Variants in SHTN1 observed in about 807,000 individuals in gnomAD.
SHTN1 encodes shootin 1.
In SHTN1, 42 loss-of-function variants were observed where a neutral mutation model predicts 83.1. The ratio of observed to expected loss-of-function variants is 0.51; its 90% CI spans 0.39 to 0.65. SHTN1 has a LOEUF of 0.65. SHTN1 is among the 30% of genes least tolerant of loss of function. The pLI is 0.00. For synonymous variants in SHTN1, 224 were observed against 247.7 expected, an observed-to-expected ratio of 0.90 and a Z score of 0.90; for missense variants, 622 against 737.8, an observed-to-expected ratio of 0.84 and a Z score of 1.82.
chr10:116,972,453 C>A (rs1850650281), intron 2 of SHTN1, among the ~76,000 whole-genome samples: 1 of 152,184 alleles, frequency 6.6e-6, no homozygotes, highest in African/African-American at 2.4e-5. Context: ...TTACTAAAAG[C>A]AGAAATCCAA....
intron 9 of SHTN1, among the ~76,000 whole-genome samples, chr10:116,933,578 T>C (rs988060474): frequency 6.6e-6 from 1 of 152,154 alleles, no homozygotes; most frequent in Admixed American, 6.5e-5. Context: ...TGATGGGCAT[T>C]TGGGTTGGTT....
chr10:116,952,319 A>T (rs1002461881), intron 5 of SHTN1, among the ~76,000 whole-genome samples: 3 of 152,190 alleles, frequency 2.0e-5, no homozygotes, highest in African/African-American at 7.2e-5. Context: ...AAATTTTTTA[A>T]GTTTTCAGCA....
At chr10:117,120,300 T>G (rs1430398470) in intron 1 of SHTN1, among the ~76,000 whole-genome samples, 2 of 149,188 alleles carry the variant, frequency 1.3e-5, no homozygotes, top group South Asian at 2.1e-4. Flanking sequence ...CAGGCTGGAG[T>G]GCAGGGGCGT....
intron 1 of SHTN1, among the ~76,000 whole-genome samples, chr10:117,119,843 T>A (rs1361191332): frequency 6.8e-6 from 1 of 148,076 alleles, no homozygotes; most frequent in East Asian, 2.0e-4. Flanking sequence ...TAATCAGTTG[T>A]AAAAAAAAAA....
intron 1 of SHTN1, among the ~76,000 whole-genome samples, chr10:117,053,923 A>G (rs1208274139): frequency 1.3e-5 from 2 of 152,262 alleles, no homozygotes; most frequent in African/African-American, 4.8e-5. Context: ...TAAAAGAAAC[A>G]TAGTATGATA....
chr10:117,065,713 GA>G, intron 1 of SHTN1, among the ~76,000 whole-genome samples: 1 of 67,346 alleles, frequency 1.5e-5, no homozygotes, highest in Non-Finnish European at 3.6e-5. Context: ...GCGAGAGAGA[GA>G]GAGAGAGAGA....
chr10:117,091,535 G>A (rs1046332470), intron 1 of SHTN1, among the ~76,000 whole-genome samples: 2 of 152,058 alleles, frequency 1.3e-5, no homozygotes, highest in Non-Finnish European at 2.9e-5. Context: ...AAGGGGAGGT[G>A]GAACCTACTA....
intron 12 of SHTN1, among the ~76,000 whole-genome samples, chr10:116,917,494 G>A (rs1848419966): frequency 6.6e-6 from 1 of 152,058 alleles, no homozygotes; most frequent in Non-Finnish European, 1.5e-5. Flanking sequence ...AGTAGAGACG[G>A]GGTTTCACCA....
intron 1 of SHTN1, among the ~76,000 whole-genome samples, chr10:117,097,013 GCA>G (rs1158397927): frequency 2.6e-4 from 37 of 141,742 alleles, no homozygotes; most frequent in African/African-American, 4.7e-4. Context: ...GCACGCGCGC[GCA>G]CACACACACA....
At chr10:116,974,891 C>T (rs1379050916) in intron 2 of SHTN1, among the ~76,000 whole-genome samples, 1 of 151,584 alleles carries the variant, frequency 6.6e-6, no homozygotes, top group East Asian at 1.9e-4. Flanking sequence ...TAAGAGAATG[C>T]CCTTCAATTG....
chr10:116,892,682 T>C (rs1281053955), intron 16 of SHTN1, among the ~76,000 whole-genome samples: 1 of 152,204 alleles, frequency 6.6e-6, no homozygotes, highest in African/African-American at 2.4e-5. Flanking sequence ...AGATCGAAAG[T>C]CACAAATTAC....
At chr10:117,117,059 C>A (rs898846378) in intron 1 of SHTN1, among the ~76,000 whole-genome samples, 2 of 151,736 alleles carry the variant, frequency 1.3e-5, no homozygotes, top group Non-Finnish European at 2.9e-5. Flanking sequence ...CTGGCTAGAG[C>A]AAATAGGAAA....
At chr10:117,111,972 G>T (rs530063804) in intron 1 of SHTN1, among the ~76,000 whole-genome samples, 4 of 151,996 alleles carry the variant, frequency 2.6e-5, no homozygotes, top group Admixed American at 1.3e-4. Flanking sequence ...TTTTGTTTTT[G>T]TTTTTTCTTT....
chr10:117,043,592 G>A (rs1852618057), intron 2 of SHTN1, among the ~76,000 whole-genome samples: 1 of 152,178 alleles, frequency 6.6e-6, no homozygotes, highest in Admixed American at 6.5e-5. Context: ...TGTAATCCCA[G>A]CACATTGGTA....
intron 2 of SHTN1, among the ~76,000 whole-genome samples, chr10:117,015,903 C>T (rs1852174901): frequency 6.6e-6 from 1 of 152,164 alleles, no homozygotes; most frequent in African/African-American, 2.4e-5. Flanking sequence ...CTTCAAGGTC[C>T]TCAATGTGGA....
intron 1 of SHTN1, among the ~76,000 whole-genome samples, chr10:117,088,217 T>G (rs1853378541): frequency 6.6e-6 from 1 of 152,154 alleles, no homozygotes; most frequent in South Asian, 2.1e-4. Context: ...TGTACCTGGG[T>G]GGATGCACTA....
intron 16 of SHTN1, among the ~76,000 whole-genome samples, chr10:116,891,499 T>A (rs964720470): frequency 1.3e-5 from 2 of 152,208 alleles, no homozygotes; most frequent in Non-Finnish European, 2.9e-5. Context: ...TTTACCGCCT[T>A]CAAGGACAGA....
chr10:116,933,938 A>G (rs958678002), intron 9 of SHTN1, among the ~76,000 whole-genome samples: 6 of 151,964 alleles, frequency 3.9e-5, no homozygotes, highest in Non-Finnish European at 7.4e-5. Flanking sequence ...GCTTTTTTTC[A>G]TATGTTTGTT....
chr10:117,049,771 A>G (rs1564941822), intron 1 of SHTN1, among the ~76,000 whole-genome samples: 1 of 152,232 alleles, frequency 6.6e-6, no homozygotes, highest in Non-Finnish European at 1.5e-5. Flanking sequence ...CCATTAGACT[A>G]GGTACTGAAA....
Sources: gnomAD v4.1 joint callset for allele counts (sites outside exome capture counted in the v4.1 genomes callset) on GRCh38, gnomAD v4.1.1 for gene constraint, MANE v1.5 for transcripts, NCBI Gene and HGNC (gene_info 2026-07-23, HGNC 2026-07-21) for gene names.